The following CFAP97D2 variants were observed in gnomAD, a reference collection of about 807,000 sequenced individuals.
CFAP97D2 encodes the protein CFAP97 domain containing 2.
At position 114,219,202 on chromosome 13, in the gene CFAP97D2, G is replaced by A. The variant is rs143735656; in HGVS notation, c.481-3296G>A. Among the ~76,000 whole-genome samples the A allele has an allele frequency of 2.1e-3, 322 of 152,174 alleles. 1 individual carries two copies. The highest frequency in any genetic ancestry group is 7.5e-3 in the African/African-American group (313 of 41,510). ...ACATCATTTTATTTTTAATATCTTT[G>A]GGTCATTTTATTTTATATTGTCTCA... On this transcript the variant is annotated intron_variant, in intron 4 of 4. Coordinates refer to ENST00000646158, the Ensembl canonical transcript of CFAP97D2.
Position 114,183,876 on chromosome 13 carries a change from A to G in CFAP97D2, c.90+4456A>G, listed in dbSNP as rs114683071. 8.3e-3 allele frequency among the ~76,000 whole-genome samples: 1,261 copies of G among 152,350 alleles called. 13 individuals carry two copies. Among genetic ancestry groups the G allele is most frequent in the African/African-American group, 0.028 (1,177 of 41,594 alleles). Reference sequence around the variant, plus strand: ...CAAAACTGAAAAGCATGCTGGACACAGTGGCTCATGCCTGTAATCCCAGCA... The same window carrying G: ...CAAAACTGAAAAGCATGCTGGACACGGTGGCTCATGCCTGTAATCCCAGCA... On this transcript the variant is annotated intron_variant, in intron 1 of 4. Coordinates refer to ENST00000646158, the Ensembl canonical transcript of CFAP97D2.
At chr13:114,221,162 GC>G (rs1367105396) in intron 4 of CFAP97D2, among the ~76,000 whole-genome samples, 2 of 152,232 alleles carry the variant, frequency 1.3e-5, no homozygotes, top group South Asian at 2.1e-4. Context: ...CAGGAGGATC[GC>G]TTGAACCAGG....
At chr13:114,191,910 G>A (rs112472082) in intron 1 of CFAP97D2, among the ~76,000 whole-genome samples, 2,227 of 152,168 alleles carry the variant, frequency 0.015, 27 homozygotes, top group Non-Finnish European at 0.024. Context: ...AAAGAAATGA[G>A]CTATCAAATA....
At chr13:114,182,028 G>T (rs554898984) in intron 1 of CFAP97D2, among the ~76,000 whole-genome samples, 18 of 152,198 alleles carry the variant, frequency 1.2e-4, no homozygotes, top group African/African-American at 3.4e-4. Flanking sequence ...GGGCCCAGGG[G>T]ACCGGCGCTC....
chr13:114,213,170 A>T (rs1328948689), intron 4 of CFAP97D2, among the ~76,000 whole-genome samples: 1 of 152,200 alleles, frequency 6.6e-6, no homozygotes, highest in Non-Finnish European at 1.5e-5. Context: ...ATTGTGGACC[A>T]TTATAATGTG....
chr13:114,197,991 TTTTTA>T (rs2080895124), intron 2 of CFAP97D2, among the ~76,000 whole-genome samples: 1 of 152,138 alleles, frequency 6.6e-6, no homozygotes, highest in Admixed American at 6.5e-5. Flanking sequence ...TTCTTTTCTT[TTTTTA>T]TTTTGTTTTT....
rs1256402862 is a variant in CFAP97D2, at chr13:114,179,802, TTTTGTTTTTG to T, written c.90+393_90+402del. 6.6e-6 allele frequency among the ~76,000 whole-genome samples: 1 copy of T among 152,134 alleles called. No individual in the cohort carries two copies. Among genetic ancestry groups the T allele is most frequent in the African/African-American group, 2.4e-5 (1 of 41,426 alleles). ...CTTTCTTTTTGTTTTTTGTTTTTGT[TTTTGTTTTTG>T]TTTGTTTTTGAGAGGGATGTTGCCA... is the stretch of plus-strand genomic sequence containing the variant. On this transcript the variant is annotated intron_variant, in intron 1 of 4. Transcript: ENST00000646158. This position sits in a 1 kb window ranked among gnomAD's most constrained non-coding sequence, Gnocchi z 4.8.
intron 4 of CFAP97D2, among the ~76,000 whole-genome samples, chr13:114,218,508 C>A (rs2081005813): frequency 6.6e-6 from 1 of 152,116 alleles, no homozygotes; most frequent in South Asian, 2.1e-4. Flanking sequence ...ACTTTCTTCA[C>A]AGAATTGGAA....
At chr13:114,214,750 C>A (rs927127016) in intron 4 of CFAP97D2, among the ~76,000 whole-genome samples, 8 of 152,044 alleles carry the variant, frequency 5.3e-5, no homozygotes, top group African/African-American at 1.5e-4. Flanking sequence ...CTGCACCCGG[C>A]CATATTTGTT....
chr13:114,201,286 G>T (rs1002770309), intron 3 of CFAP97D2, among the ~76,000 whole-genome samples: 2 of 152,154 alleles, frequency 1.3e-5, no homozygotes, highest in African/African-American at 4.8e-5. Flanking sequence ...TAATGAAGGG[G>T]TTTTTGTTCC....
At chr13:114,195,614 C>T (rs1444734987) in intron 1 of CFAP97D2, among the ~76,000 whole-genome samples, 1 of 152,188 alleles carries the variant, frequency 6.6e-6, no homozygotes, top group Non-Finnish European at 1.5e-5. Flanking sequence ...TGCATTTAAC[C>T]TGTCACATTT....
chr13:114,212,686 A>T (rs867206885), intron 4 of CFAP97D2, among the ~76,000 whole-genome samples: 1 of 151,776 alleles, frequency 6.6e-6, no homozygotes, highest in Non-Finnish European at 1.5e-5. Context: ...TGTCTCTACT[A>T]AAAAAAATAC....
intron 2 of CFAP97D2, 140 bp downstream of exon 2, chr13:114,196,616 C>G (rs555044682): frequency 5.1e-6 from 2 of 395,352 alleles, no homozygotes; most frequent in African/African-American, 2.1e-5. Flanking sequence ...ATTAATTAGC[C>G]CCGTCTGTCC....
rs2080860942 is a variant in CFAP97D2, at chr13:114,189,180, A to G, written c.91-7216A>G. Among the ~76,000 whole-genome samples, 1 of 151,878 alleles carries G rather than the reference A, an allele frequency of 6.6e-6. No homozygotes were observed. Among genetic ancestry groups the G allele is most frequent in the Non-Finnish European group, 1.5e-5 (1 of 67,954 alleles). ...GCATCACTACAATCCCTAGGATATT[A>G]AAAGGATAATAAAGGGATACTATGA... On this transcript the variant is annotated intron_variant, in intron 1 of 4. Coordinates refer to ENST00000646158, the Ensembl canonical transcript of CFAP97D2. This position sits in a 1 kb window ranked among gnomAD's most constrained non-coding sequence, Gnocchi z 4.5.
chr13:114,196,872 T>A (rs1000931834), intron 2 of CFAP97D2, among the ~76,000 whole-genome samples: 55 of 152,302 alleles, frequency 3.6e-4, no homozygotes, highest in African/African-American at 1.2e-3. Context: ...AAGGTGTACA[T>A]TGGTTTCGTC....
chr13:114,205,215 C>A (rs1332847959), intron 3 of CFAP97D2, among the ~76,000 whole-genome samples: 1 of 152,170 alleles, frequency 6.6e-6, no homozygotes, highest in Admixed American at 6.5e-5. Context: ...CCCTCCAGGG[C>A]TGGGAGGAAT....
intron 4 of CFAP97D2, among the ~76,000 whole-genome samples, chr13:114,221,710 T>C (rs1332923177): frequency 9.5e-5 from 14 of 146,686 alleles, no homozygotes; most frequent in Admixed American, 7.5e-4. Context: ...ACTTAAAGTG[T>C]AATAAAAAAA....
At chr13:114,183,358 G>A (rs979284089) in intron 1 of CFAP97D2, among the ~76,000 whole-genome samples, 1 of 152,018 alleles carries the variant, frequency 6.6e-6, no homozygotes, top group Non-Finnish European at 1.5e-5. Flanking sequence ...AGTGGAGATA[G>A]GGTTTCACCA....
chr13:114,182,772 T>A (rs545666732), intron 1 of CFAP97D2, among the ~76,000 whole-genome samples: 7 of 152,342 alleles, frequency 4.6e-5, no homozygotes, highest in Admixed American at 4.6e-4. Context: ...GAGCTCCAGA[T>A]TGGATCAAAG....
Sources: gnomAD v4.1 joint callset for allele counts (sites outside exome capture counted in the v4.1 genomes callset) on GRCh38, gnomAD v4.1.1 for gene constraint, Gnocchi (gnomAD v3.1) non-coding constraint, MANE v1.5 for transcripts, NCBI Gene and HGNC (gene_info 2026-07-23, HGNC 2026-07-21) for gene names.